Variants in PITPNB observed in about 807,000 individuals in gnomAD.
PITPNB encodes phosphatidylinositol transfer protein beta isoform.
In PITPNB, 16 loss-of-function variants were observed where a neutral mutation model predicts 45.9. The ratio of observed to expected loss-of-function variants is 0.35; its 90% CI spans 0.24 to 0.53. The LOEUF (loss-of-function observed/expected upper bound fraction) is 0.53, where lower values mean the gene tolerates loss of function less well. Ranked by LOEUF, PITPNB falls within the 20% of genes least tolerant of loss-of-function variation. The probability of loss-of-function intolerance (pLI) is 0.93; values close to 1 mark genes in which losing one functional copy is unlikely to be tolerated. For synonymous variants in PITPNB, 112 were observed against 108.9 expected, an observed-to-expected ratio of 1.03 and a Z score of -0.18; for missense variants, 188 against 330.5, an observed-to-expected ratio of 0.57 and a Z score of 3.34.
intron 7 of PITPNB, among the ~76,000 whole-genome samples, chr22:27,875,267 T>C (rs367571597): frequency 2.6e-5 from 4 of 152,372 alleles, no homozygotes; most frequent in South Asian, 4.1e-4. Context: ...CTATACTGGG[T>C]CTTAATGCTT....
At chr22:27,880,476 C>A (rs1296526005) in intron 7 of PITPNB, among the ~76,000 whole-genome samples, 1 of 152,120 alleles carries the variant, frequency 6.6e-6, no homozygotes, top group Admixed American at 6.5e-5. Context: ...ACCCAAGGAA[C>A]TAGAGCAAAT....
chr22:27,884,632 A>G (rs1039451804), intron 7 of PITPNB, among the ~76,000 whole-genome samples: 2 of 152,144 alleles, frequency 1.3e-5, no homozygotes, highest in African/African-American at 4.8e-5. Flanking sequence ...ATCTTGAACC[A>G]TCTCATTTAG....
chr22:27,872,994 G>A (rs777890396), intron 8 of PITPNB, among the ~76,000 whole-genome samples: 11 of 152,344 alleles, frequency 7.2e-5, no homozygotes, highest in Non-Finnish European at 1.2e-4. Flanking sequence ...CTGGCTGGGC[G>A]CAGTGGCTCA....
At chr22:27,853,997 C>G (rs1387436304) in intron 11 of PITPNB, among the ~76,000 whole-genome samples, 2 of 151,524 alleles carry the variant, frequency 1.3e-5, no homozygotes, top group East Asian at 3.9e-4. Context: ...GGAAGAGTTA[C>G]TTCATTCTTA....
At chr22:27,860,823 TTAAA>T (rs1343272312) in intron 8 of PITPNB, among the ~76,000 whole-genome samples, 1 of 152,128 alleles carries the variant, frequency 6.6e-6, no homozygotes, top group Admixed American at 6.5e-5. Flanking sequence ...ACCTCACAGT[TTAAA>T]TAGTGTAGTC....
intron 7 of PITPNB, among the ~76,000 whole-genome samples, chr22:27,877,289 T>C (rs1216339314): frequency 1.3e-5 from 2 of 152,204 alleles, no homozygotes; most frequent in Non-Finnish European, 2.9e-5. Flanking sequence ...CACTACTTGC[T>C]CCACCAATAA....
chr22:27,895,721 G>T (rs1331972682), intron 6 of PITPNB, among the ~76,000 whole-genome samples: 1 of 152,142 alleles, frequency 6.6e-6, no homozygotes, highest in Middle Eastern at 3.2e-3. Context: ...CACCGTAATA[G>T]AACAGTAAAA....
At chr22:27,866,492 A>G (rs929252043) in intron 8 of PITPNB, among the ~76,000 whole-genome samples, 5 of 152,238 alleles carry the variant, frequency 3.3e-5, no homozygotes, top group African/African-American at 1.2e-4. Flanking sequence ...CACAAGAACT[A>G]GTTTCTCGAA....
chr22:27,899,484 G>C (rs1004024568), intron 3 of PITPNB, among the ~76,000 whole-genome samples: 1 of 152,030 alleles, frequency 6.6e-6, no homozygotes, highest in African/African-American at 2.4e-5. Context: ...CACTAGGCCC[G>C]GCTAATTTTT....
At chr22:27,906,905 G>T (rs1935778299) in intron 3 of PITPNB, among the ~76,000 whole-genome samples, 1 of 152,164 alleles carries the variant, frequency 6.6e-6, no homozygotes, top group African/African-American at 2.4e-5. Flanking sequence ...CAACCTTCTG[G>T]TTGAGATTAA....
chr22:27,864,034 AT>A (rs1019281971), intron 8 of PITPNB, among the ~76,000 whole-genome samples: 1 of 152,196 alleles, frequency 6.6e-6, no homozygotes, highest in Non-Finnish European at 1.5e-5. Context: ...ACAAGTAATT[AT>A]TTTTTTAAAA....
chr22:27,887,596 G>A (rs1463888772), intron 7 of PITPNB, among the ~76,000 whole-genome samples: 1 of 151,100 alleles, frequency 6.6e-6, no homozygotes. Context: ...CCCAATCCAT[G>A]GGGTGCAGCC....
chr22:27,902,004 G>A (rs569847010), intron 3 of PITPNB, among the ~76,000 whole-genome samples: 1 of 152,162 alleles, frequency 6.6e-6, no homozygotes, highest in South Asian at 2.1e-4. Flanking sequence ...GTAAATAATG[G>A]TGAGTACGCA....
chr22:27,915,726 C>T (rs1936056718), intron 1 of PITPNB, among the ~76,000 whole-genome samples: 1 of 152,090 alleles, frequency 6.6e-6, no homozygotes, highest in African/African-American at 2.4e-5. Context: ...CTAAAAATTC[C>T]GAATCATTTC....
At chr22:27,885,126 G>A (rs578043815) in intron 7 of PITPNB, among the ~76,000 whole-genome samples, 4 of 146,244 alleles carry the variant, frequency 2.7e-5, no homozygotes, top group Non-Finnish European at 4.5e-5. Flanking sequence ...CCTCTCCCGG[G>A]AAGTGACTTT....
intron 7 of PITPNB, among the ~76,000 whole-genome samples, chr22:27,893,377 C>T (rs1391510683): frequency 2.6e-5 from 4 of 151,008 alleles, no homozygotes; most frequent in Admixed American, 6.6e-5. Context: ...CTCCGCCTCC[C>T]GGGCTCATGC....
intron 7 of PITPNB, among the ~76,000 whole-genome samples, chr22:27,882,464 C>A (rs1456337856): frequency 6.6e-6 from 1 of 152,102 alleles, no homozygotes; most frequent in African/African-American, 2.4e-5. Flanking sequence ...TTCTTACTAC[C>A]AAGACATACT....
chr22:27,895,721 G>C (rs1331972682), intron 6 of PITPNB, among the ~76,000 whole-genome samples: 2 of 152,142 alleles, frequency 1.3e-5, no homozygotes. Context: ...CACCGTAATA[G>C]AACAGTAAAA....
chr22:27,916,894 T>C (rs950726878), intron 1 of PITPNB, among the ~76,000 whole-genome samples: 1 of 152,232 alleles, frequency 6.6e-6, no homozygotes, highest in African/African-American at 2.4e-5. Flanking sequence ...GAATAAGCTA[T>C]TCATTGCTCC....
Sources: gnomAD v4.1 joint callset for allele counts (sites outside exome capture counted in the v4.1 genomes callset) on GRCh38, gnomAD v4.1.1 for gene constraint, MANE v1.5 for transcripts, NCBI Gene and HGNC (gene_info 2026-07-23, HGNC 2026-07-21) for gene names.